Variants in DUOX2 observed in about 807,000 individuals in gnomAD.
The protein encoded by DUOX2 is dual oxidase 2, also known as NADH/NADPH thyroid oxidase p138-tox.
DUOX2 carries 185 observed loss-of-function variants against 183.3 expected under a neutral mutation model. The observed-to-expected ratio is 1.01, with a 90% confidence interval of 0.90 to 1.14. The LOEUF (loss-of-function observed/expected upper bound fraction) is 1.14, where lower values mean the gene tolerates loss of function less well. Among genes scored for constraint, DUOX2 ranks in the 50% most tolerant of loss-of-function variants. The pLI is 0.00. For missense variants in DUOX2, 1,999 were observed against 2,022.9 expected, an observed-to-expected ratio of 0.99 and a Z score of 0.23; for synonymous variants, 788 against 812.4, an observed-to-expected ratio of 0.97 and a Z score of 0.51.
intron 17 of DUOX2, 106 bp from the exon 18 acceptor site, chr15:45,105,934 C>T: frequency 1.3e-6 from 2 of 1,496,426 alleles, no homozygotes; most frequent in South Asian, 1.2e-5. Context: ...AACTCCTCCC[C>T]ATCCATCCAG....
In DUOX2 at chr15:45,105,691, C is replaced by T. The variant is rs73406334; in HGVS notation, c.2286G>A (p.Gln762=). Residue 762 remains glutamine, a synonymous_variant, in exon 18 of 34, where the codon CAG becomes CAA. Transcript: ENST00000389039. ...AGATCTCCAGGATGCGTTCCCGCTG[C>T]TGCTTTGTCACAGCCTTCCTAAATA... The part of the protein sequence containing the change: ...KELFRKAVTK[Q]QRERILEIFF... The T allele has an allele frequency of 0.072, 115,500 of 1,614,176 alleles. 4,412 individuals carry two copies. The highest frequency in any genetic ancestry group is 0.09 in the African/African-American group (6,717 of 75,042).
At chr15:45,113,173 G>A (rs1894496776) in intron 2 of DUOX2, 97 bp from the exon 3 acceptor site, 1 of 1,468,920 alleles carries the variant, frequency 6.8e-7, no homozygotes, top group Non-Finnish European at 9.3e-7. Flanking sequence ...CTCGCGGAGC[G>A]CCCCTAACCG....
At chr15:45,094,480 A>G in intron 33 of DUOX2, 83 bp downstream of exon 33, 1 of 1,559,648 alleles carries the variant, frequency 6.4e-7, no homozygotes, top group Non-Finnish European at 8.7e-7. Flanking sequence ...CTCTGCTCAG[A>G]ACAGAGTGGC....
chr15:45,101,379 T>C (rs751652179), intron 21 of DUOX2, 105 bp from the exon 22 acceptor site: 275 of 985,344 alleles, frequency 2.8e-4, no homozygotes, highest in Non-Finnish European at 3.2e-4. Context: ...TCCAGATCTC[T>C]GACTCGAGTC....
chr15:45,097,106 T>G, intron 29 of DUOX2, 132 bp downstream of exon 29: 1 of 1,423,150 alleles, frequency 7.0e-7, no homozygotes, highest in Non-Finnish European at 9.8e-7. Context: ...CCGAGAGTGG[T>G]TTTTTGTTGT....
chr15:45,103,068 C>A (rs1005786642), intron 20 of DUOX2, among the ~76,000 whole-genome samples: 1 of 152,220 alleles, frequency 6.6e-6, no homozygotes, highest in Admixed American at 6.5e-5. Context: ...TTGAGCCTCA[C>A]CTCGGGCTGG....
At chr15:45,096,342 C>T (rs1893899881) in intron 29 of DUOX2, among the ~76,000 whole-genome samples, 1 of 152,136 alleles carries the variant, frequency 6.6e-6, no homozygotes, top group African/African-American at 2.4e-5. Context: ...TGAATACCAA[C>T]CTGCTGGGTA....
In DUOX2 at chr15:45,105,639, G is replaced by T. The variant is rs756624208; in HGVS notation, c.2334+4C>A. The stretch of plus-strand genomic sequence containing the variant: ...CCATCTCCAAAAGGCACAGGTCATG[G>T]CACCTGAGCAAAAAGGTGTCTGAAG... On this transcript the variant is annotated splice_donor_region_variant and intron_variant, in intron 18 of 33. Transcript: ENST00000389039. 7 of 1,614,128 alleles carry T rather than the reference G, an allele frequency of 4.3e-6. No individual in the cohort carries two copies. In the Middle Eastern group the frequency reaches 1.2e-3, roughly 266 times the overall value.
At chr15:45,108,319 T>A in intron 12 of DUOX2, 97 bp from the exon 13 acceptor site, 5 of 1,422,114 alleles carry the variant, frequency 3.5e-6, no homozygotes, top group Non-Finnish European at 4.9e-6. Flanking sequence ...AGCCGCTGCC[T>A]GGCTGCTGCT....
chr15:45,097,132 CAG>C, intron 29 of DUOX2, 104 bp downstream of exon 29: 2 of 1,539,748 alleles, frequency 1.3e-6, no homozygotes. Context: ...TTTTTGGAGA[CAG>C]AGTCAGAGGC....
chr15:45,104,299 C>T lies in DUOX2; in HGVS notation c.2401G>A (p.Ala801Thr), dbSNP rs1051399119. The change falls in exon 19 of 34, where the codon GCC becomes ACC. Residue 801 changes from alanine (A) to threonine (T), a missense_variant. Around this residue, in one of 3 missense-constraint regions of DUOX2, gnomAD observed 1,628 missense variants for 1,608.6 expected, o/e 1.01. Transcript: ENST00000389039. ...PLDSSQKVRE[A>T]LTCELSRAEF... ...GCCCTGCTCAGCTCGCAGGTCAGGG[C>T]CTCCCGCACCTTCTGGGAGGAGTCC... 7 of 1,614,062 alleles carry T rather than the reference C, an allele frequency of 4.3e-6. No individual in the cohort carries two copies. The highest frequency in any genetic ancestry group is 1.1e-5 in the South Asian group (1 of 91,060).
At chr15:45,100,362 T>A (rs986928908) in intron 23 of DUOX2, 134 bp from the exon 24 acceptor site, 10 of 782,434 alleles carry the variant, frequency 1.3e-5, no homozygotes, top group Non-Finnish European at 2.0e-6. Context: ...AAAAAAGCAA[T>A]CTGGGGGCTT....
At chr15:45,113,182 CG>C in intron 2 of DUOX2, 106 bp from the exon 3 acceptor site, 1 of 1,460,438 alleles carries the variant, frequency 6.8e-7, no homozygotes, top group Non-Finnish European at 9.4e-7. Context: ...CGCCCCTAAC[CG>C]GACCCAAGTG....
Position 45,106,915 on chromosome 15 carries a change from GC to G in DUOX2, c.1747del (p.Ala583HisfsTer3). On this transcript the variant is annotated frameshift_variant, in exon 15 of 34. Coordinates refer to ENST00000389039, the MANE Select transcript of DUOX2 (RefSeq NM_001363711.2). LOFTEE classifies it high-confidence loss of function. ...AAAGAAGTCAAGCACAGTCAGGGGTGCACACTGGGGCAGGCCGTCAGTTGTG... is the reference window on the plus strand; with the variant it reads ...AAAGAAGTCAAGCACAGTCAGGGGTGACACTGGGGCAGGCCGTCAGTTGTG... ...QLTTDGLPQC[A>X]PLTVLDFFEG... is the part of the protein sequence containing the mutation. 1 of 1,581,794 alleles carries G rather than the reference GC, an allele frequency of 6.3e-7. No homozygotes were observed. Among genetic ancestry groups the G allele is most frequent in the African/African-American group, 1.3e-5 (1 of 74,896 alleles).
intron 10 of DUOX2, 96 bp from the exon 11 acceptor site, chr15:45,109,722 G>A (rs1322827044): frequency 2.1e-5 from 29 of 1,384,074 alleles, no homozygotes; most frequent in Non-Finnish European, 3.0e-5. Context: ...AGGGCCCTTG[G>A]CCAGTCCCAG....
chr15:45,101,712 A>T, intron 21 of DUOX2, 81 bp downstream of exon 21: 1 of 1,582,256 alleles, frequency 6.3e-7, no homozygotes, highest in South Asian at 1.1e-5. Flanking sequence ...AAAGAGTAAG[A>T]CCTGGGTCCT....
chr15:45,094,795 T>A, intron 32 of DUOX2, 104 bp from the exon 33 acceptor site: 1 of 1,597,286 alleles, frequency 6.3e-7, no homozygotes, highest in Non-Finnish European at 8.5e-7. Flanking sequence ...GGGAGGGAGC[T>A]GGAGGCTGAG....
rs528460956 is a variant in DUOX2 at position 45,108,711 on chromosome 15, T to A, written c.1398+78A>T. On this transcript the variant is annotated intron_variant, in intron 12 of 33. Transcript: ENST00000389039. Reference sequence around the variant, plus strand: ...AATATTATTATGTAGATTAAATGAGTCAACATATGTAAAGGGTTTGGAACA... The same window carrying A: ...AATATTATTATGTAGATTAAATGAGACAACATATGTAAAGGGTTTGGAACA... The A allele has an allele frequency of 1.9e-5, 28 of 1,451,028 alleles. No homozygotes were observed. In the East Asian group the frequency reaches 5.9e-4, roughly 31 times the overall value. The allele number at this position is 1,451,028 out of a possible 1,614,324, so 89.9% of individuals were successfully genotyped here. A position where few individuals can be genotyped will look rare whatever the true frequency, so the allele number is the denominator to read the frequency against.
chr15:45,103,844 C>A lies in DUOX2; in HGVS notation c.2654+116G>T, dbSNP rs1894143757. 12 of 1,072,038 alleles carry A rather than the reference C, an allele frequency of 1.1e-5. No homozygotes were observed. The Admixed American group carries it at 2.2e-4, about 20-fold the overall frequency. The allele number at this position is 1,072,038 out of a possible 1,614,324, so 66.4% of individuals were successfully genotyped here. A position where few individuals can be genotyped will look rare whatever the true frequency, so the allele number is the denominator to read the frequency against. On this transcript the variant is annotated intron_variant, in intron 20 of 33. Coordinates refer to ENST00000389039, the MANE Select transcript of DUOX2 (RefSeq NM_001363711.2). ...GAGAGTTTAGGATGTAGTGTTTAGG[C>A]CACCTCTCAGCACAGATGACCACAG...
Sources: allele counts gnomAD v4.1 joint callset (sites outside exome capture counted in the v4.1 genomes callset), GRCh38; gene constraint gnomAD v4.1.1; regional missense constraint gnomAD v4.1.1; transcripts MANE v1.5; gene names NCBI Gene and HGNC (gene_info 2026-07-23, HGNC 2026-07-21).